The following FHIT variants were observed in gnomAD, a reference collection of about 807,000 sequenced individuals.
FHIT encodes fragile histidine triad diadenosine triphosphatase, also known as bis(5'-adenosyl)-triphosphatase.
FHIT carries 19 observed loss-of-function variants against 17.9 expected under a neutral mutation model. The ratio of observed to expected loss-of-function variants is 1.06; its 90% CI spans 0.74 to 1.56. FHIT has a LOEUF of 1.56. Ranked by LOEUF, FHIT falls within the 40% of genes most tolerant of loss-of-function variation. FHIT has a pLI of 0.00. For synonymous variants in FHIT, 81 were observed against 69.7 expected (o/e 1.16, Z -0.81); for missense variants, 248 against 189.2 (o/e 1.31, Z -1.82).
At chr3:60,624,903 T>TTTGTTTGTTTG (rs1553680344) in intron 4 of FHIT, among the ~76,000 whole-genome samples, 216 of 150,044 alleles carry the variant, frequency 1.4e-3, no homozygotes, top group Admixed American at 2.4e-3. Context: ...TAGTTTTTTT[T>TTTGTTTGTTTG]TTTGTTTGTT....
chr3:60,614,385 C>G (rs2038876422), intron 4 of FHIT, among the ~76,000 whole-genome samples: 1 of 152,130 alleles, frequency 6.6e-6, no homozygotes, highest in Non-Finnish European at 1.5e-5. Flanking sequence ...GGATGGATGA[C>G]CTGAGGTCAG....
rs544479142 is a variant in FHIT at position 60,380,096 on chromosome 3, T to C, written c.103+156764A>G. The stretch of plus-strand genomic sequence containing the variant: ...CTAAAAGGTAAGTGCTGATATAGTT[T>C]GGATGTTTGTCCCTTTCAAATTTCA... On this transcript the variant is annotated intron_variant, in intron 5 of 9. Coordinates refer to ENST00000492590, the MANE Select transcript of FHIT (RefSeq NM_002012.4). Among the ~76,000 whole-genome samples, 7 of 152,324 alleles carry C rather than the reference T, an allele frequency of 4.6e-5. No homozygotes were observed. The East Asian group carries it at 9.7e-4, about 21-fold the overall frequency.
intron 4 of FHIT, chr3:60,537,527 A>G (rs2036028219): frequency 5.5e-6 from 5 of 903,958 alleles, no homozygotes; most frequent in African/African-American, 3.6e-5. Flanking sequence ...AAAATAAAGG[A>G]GAAAAAAAAC....
chr3:60,476,169 T>A (rs1312051117), intron 5 of FHIT, among the ~76,000 whole-genome samples: 1 of 152,212 alleles, frequency 6.6e-6, no homozygotes, highest in Non-Finnish European at 1.5e-5. Flanking sequence ...TGCAAAGTTA[T>A]TTAACGTACC....
At chr3:60,370,466 G>A (rs773151484) in intron 5 of FHIT, among the ~76,000 whole-genome samples, 6 of 152,004 alleles carry the variant, frequency 3.9e-5, no homozygotes, top group Non-Finnish European at 7.4e-5. Context: ...TCAAGGTCGC[G>A]CCTCCTCAAG....
intron 2 of FHIT, among the ~76,000 whole-genome samples, chr3:61,062,925 C>T (rs2034477295): frequency 1.3e-5 from 2 of 152,088 alleles, no homozygotes; most frequent in Admixed American, 1.3e-4. Flanking sequence ...CCAAATGGCG[C>T]CTTGGAGGAC....
chr3:59,850,825 C>T (rs1042183788), intron 8 of FHIT, among the ~76,000 whole-genome samples: 2 of 152,136 alleles, frequency 1.3e-5, no homozygotes, highest in South Asian at 2.1e-4. Flanking sequence ...GGTAAGGCAA[C>T]AAAAAGAATA....
chr3:60,348,962 C>T (rs1472389633), intron 5 of FHIT, among the ~76,000 whole-genome samples: 1 of 152,164 alleles, frequency 6.6e-6, no homozygotes. Context: ...CTTAGCCAAC[C>T]TCAGCACATT....
chr3:60,839,906 G>C (rs1702661612), intron 3 of FHIT, among the ~76,000 whole-genome samples: 1 of 152,118 alleles, frequency 6.6e-6, no homozygotes, highest in South Asian at 2.1e-4. Context: ...TAACATAAGG[G>C]CTTATTTAAC....
chr3:59,795,890 G>A (rs1055061680), intron 8 of FHIT, among the ~76,000 whole-genome samples: 7 of 152,100 alleles, frequency 4.6e-5, no homozygotes, highest in Admixed American at 1.3e-4. Context: ...GTCTCCTTGC[G>A]GGAAGTCCTG....
chr3:60,196,419 G>A (rs1702642376), intron 5 of FHIT, among the ~76,000 whole-genome samples: 1 of 151,936 alleles, frequency 6.6e-6, no homozygotes, highest in South Asian at 2.1e-4. Flanking sequence ...ACTCTGACTC[G>A]CTTGCCTCCC....
At chr3:59,999,441 C>G (rs58114021) in intron 7 of FHIT, among the ~76,000 whole-genome samples, 2,662 of 152,254 alleles carry the variant, frequency 0.017, 61 homozygotes, top group African/African-American at 0.06. Context: ...AAGATTCCCA[C>G]TAGCATGTGA....
chr3:61,155,909 G>A (rs1485663767), intron 2 of FHIT, among the ~76,000 whole-genome samples: 1 of 151,702 alleles, frequency 6.6e-6, no homozygotes, highest in Non-Finnish European at 1.5e-5. Context: ...CGAACTGTTT[G>A]TTCAAATAAT....
At chr3:61,216,702 T>A (rs1241974003) in intron 1 of FHIT, among the ~76,000 whole-genome samples, 1 of 152,226 alleles carries the variant, frequency 6.6e-6, no homozygotes, top group Admixed American at 6.5e-5. Context: ...CACGTATGTT[T>A]ATTGCAGCAC....
At chr3:60,860,553 G>T in intron 3 of FHIT, among the ~76,000 whole-genome samples, 1 of 15,470 alleles carries the variant, frequency 6.5e-5, no homozygotes, top group Non-Finnish European at 2.9e-4. Flanking sequence ...TGATACATAT[G>T]TATCATATAT....
At chr3:60,859,902 G>T (rs1478025199) in intron 3 of FHIT, among the ~76,000 whole-genome samples, 1 of 150,374 alleles carries the variant, frequency 6.7e-6, no homozygotes, top group African/African-American at 2.4e-5. Flanking sequence ...AAATTAGCCA[G>T]GTGTGGTGGC....
intron 1 of FHIT, among the ~76,000 whole-genome samples, chr3:61,202,872 T>C (rs532975739): frequency 6.8e-4 from 104 of 152,114 alleles, no homozygotes; most frequent in African/African-American, 2.5e-3. Context: ...GCCAACGTGG[T>C]GAAACCTTGT....
intron 8 of FHIT, among the ~76,000 whole-genome samples, chr3:59,844,531 A>C (rs927603848): frequency 2.0e-5 from 3 of 151,786 alleles, no homozygotes; most frequent in Non-Finnish European, 2.9e-5. Flanking sequence ...TTAAACCACA[A>C]AGGGCTTGAA....
At chr3:60,309,796 G>C (rs1365377882) in intron 5 of FHIT, among the ~76,000 whole-genome samples, 1 of 151,952 alleles carries the variant, frequency 6.6e-6, no homozygotes, top group Non-Finnish European at 1.5e-5. Context: ...AGATCCTGGG[G>C]ATACATCCTC....
Sources: allele counts gnomAD v4.1 joint callset (sites outside exome capture counted in the v4.1 genomes callset), GRCh38; gene constraint gnomAD v4.1.1; transcripts MANE v1.5; gene names NCBI Gene and HGNC (gene_info 2026-07-23, HGNC 2026-07-21).